TACSTD2: variants seen among roughly 807,000 people sequenced by gnomAD.
The protein encoded by TACSTD2 is tumor associated calcium signal transducer 2.
In TACSTD2, 6 loss-of-function variants were observed where a neutral mutation model predicts 7.9. The observed-to-expected ratio is 0.76, with a 90% CI of 0.42 to 1.50. TACSTD2 has a LOEUF of 1.50. Ranked by LOEUF, TACSTD2 falls within the 40% of genes most tolerant of loss-of-function variation. TACSTD2 has a pLI of 0.01. For synonymous variants in TACSTD2, 220 were observed against 225.5 expected (o/e 0.98, Z 0.22); for missense variants, 511 against 471.2 (o/e 1.08, Z -0.78).
Position 58,577,041 on chromosome 1 carries a change from T to G in TACSTD2, c.116A>C (p.Asn39Thr), listed in dbSNP as rs1455552943. ...GTCGGGGCTGCACACGGTCATCTTG[T>G]TGGTGGGACACGTGCAGTTGTCCTG... ...AAQDNCTCPT[N>T]KMTVCSPDGP... The change falls in exon 1 of 1, where the codon AAC becomes ACC. Residue 39 changes from asparagine (N) to threonine (T), a missense_variant. Physicochemically the swap from Asn to Thr is moderately conservative, Grantham distance 65. Coordinates refer to ENST00000371225, the MANE Select transcript of TACSTD2 (RefSeq NM_002353.3). 2 of 1,544,488 alleles carry G rather than the reference T, an allele frequency of 1.3e-6. No homozygotes were observed. Among genetic ancestry groups the G allele is most frequent in the Non-Finnish European group, 1.7e-6 (2 of 1,149,358 alleles).
At position 58,575,959 on chromosome 1, in the gene TACSTD2, G is replaced by T. The variant is rs80012655; in HGVS notation, c.*226C>A. ...AGGTTTCCTGTTGTTGGACCGAAAG[G>T]GGATACATTTTAGAAATGCTTCCTT... On this transcript the variant is annotated 3_prime_UTR_variant, in exon 1 of 1. Coordinates refer to ENST00000371225, the MANE Select transcript of TACSTD2 (RefSeq NM_002353.3). The T allele has an allele frequency of 7.3e-3, 4,331 of 594,284 alleles. 147 individuals are homozygous for T. The highest frequency in any genetic ancestry group is 0.071 in the African/African-American group (3,845 of 53,802). The allele number at this position is 594,284 out of a possible 1,614,324, so 36.8% of individuals were successfully genotyped here.
Position 58,576,977 on chromosome 1 carries a change from C to G in TACSTD2, c.180G>C (p.Ser60=), listed in dbSNP as rs925840186. 2.3e-5 allele frequency: 37 copies of G among 1,577,008 alleles called. No individual in the cohort carries two copies. The highest frequency in any genetic ancestry group is 3.1e-5 in the Non-Finnish European group (36 of 1,165,138). The change falls in exon 1 of 1, where the codon TCG becomes TCC. Residue 60 remains serine, a synonymous_variant. Coordinates refer to ENST00000371225, the MANE Select transcript of TACSTD2 (RefSeq NM_002353.3). ...GGRCQCRALG[S]GMAVDCSTLT... ...GCGTGGAGCAGTCGACCGCCATGCC[C>G]GAGCCCAGCGCGCGGCACTGGCAGC...
In TACSTD2 at chr1:58,577,010, G is replaced by C. The variant is rs749962500; in HGVS notation, c.147C>G (p.Pro49=). The C allele has an allele frequency of 2.6e-6, 4 of 1,557,836 alleles. No individual in the cohort carries two copies. In the South Asian group the frequency reaches 4.7e-5, roughly 18 times the overall value. ...NKMTVCSPDG[P]GGRCQCRALG... ...GCGCGCGGCACTGGCAGCGGCCGCC[G>C]GGGCCGTCGGGGCTGCACACGGTCA... The change falls in exon 1 of 1, where the codon CCC becomes CCG. Residue 49 remains proline, a synonymous_variant. Coordinates refer to ENST00000371225, the MANE Select transcript of TACSTD2 (RefSeq NM_002353.3).
chr1:58,576,567 T>A lies in TACSTD2; in HGVS notation c.590A>T (p.Glu197Val). 4 of 1,611,958 alleles carry A rather than the reference T, an allele frequency of 2.5e-6. No individual in the cohort carries two copies. Among genetic ancestry groups the A allele is most frequent in the Non-Finnish European group, 8.5e-7 (1 of 1,179,506 alleles). The change falls in exon 1 of 1, where the codon GAG (glutamate) becomes GTG (valine). Residue 197 changes from glutamate to valine, a missense_variant. Glu to Val is a moderately radical substitution (Grantham distance 121). Coordinates refer to ENST00000371225, the MANE Select transcript of TACSTD2 (RefSeq NM_002353.3). ...HPKFVAAVHYEQPTIQIELRQ... is the reference protein window; with the variant it reads ...HPKFVAAVHYVQPTIQIELRQ... ...CAGCTCGATCTGGATGGTGGGCTGCTCGTAGTGCACGGCCGCCACGAACTT... is the reference window on the plus strand; with the variant it reads ...CAGCTCGATCTGGATGGTGGGCTGCACGTAGTGCACGGCCGCCACGAACTT...
chr1:58,576,389 C>G lies in TACSTD2; in HGVS notation c.768G>C (p.Thr256=). 1.2e-6 allele frequency: 2 copies of G among 1,610,816 alleles called. No individual in the cohort carries two copies. Among genetic ancestry groups the G allele is most frequent in the East Asian group, 2.2e-5 (1 of 44,604 alleles). ...VRGEPLQVER[T]LIYYLDEIPP... is the part of the protein sequence containing the mutation. The stretch of plus-strand genomic sequence containing the variant: ...GAATCTCGTCCAGGTAATAGATGAG[C>G]GTGCGCTCCACCTGCAGGGGTTCTC... Residue 256 remains threonine, a synonymous_variant, in exon 1 of 1, where the codon ACG becomes ACC. Coordinates refer to ENST00000371225, the MANE Select transcript of TACSTD2 (RefSeq NM_002353.3).
Position 58,576,437 on chromosome 1 carries a change from G to T in TACSTD2, c.720C>A (p.Gly240=), listed in dbSNP as rs762401640. ...IKGESLFQGR[G]GLDLRVRGEP... The stretch of plus-strand genomic sequence containing the variant: ...CTCCGCGCACGCGCAAGTCCAGGCC[G>T]CCGCGGCCCTGGAATAGAGACTCGC... The change falls in exon 1 of 1, where the codon GGC becomes GGA. Residue 240 remains glycine, a synonymous_variant. Coordinates refer to ENST00000371225, the MANE Select transcript of TACSTD2 (RefSeq NM_002353.3). The T allele has an allele frequency of 1.0e-4, 162 of 1,613,730 alleles. No individual in the cohort carries two copies. The Middle Eastern group carries it at 3.1e-3, about 31-fold the overall frequency.
At position 58,577,149 on chromosome 1, in the gene TACSTD2, C is replaced by G. The variant is rs1041904445; in HGVS notation, c.8G>C (p.Arg3Pro). 1.6e-5 allele frequency: 22 copies of G among 1,377,378 alleles called. No homozygotes were observed. In the East Asian group the frequency reaches 2.4e-4, roughly 15 times the overall value. 85.3% of individuals were successfully genotyped at this position (1,377,378 alleles called of 1,614,324 possible). A position where few individuals can be genotyped will look rare whatever the true frequency, so the allele number is the denominator to read the frequency against. ...CGGTGGCGGCGCGAGGCCGGGGCCC[C>G]GAGCCATGGTGGGGCGGAGGAACGC... is the stretch of plus-strand genomic sequence containing the variant. MA[R>P]GPGLAPPPLR... is the part of the protein sequence containing the mutation. Residue 3 changes from arginine to proline, a missense_variant, in exon 1 of 1, where the codon CGG becomes CCG. Transcript: ENST00000371225.
In TACSTD2 at chr1:58,576,864, A is replaced by G. The variant is rs775384382; in HGVS notation, c.293T>C (p.Val98Ala). 8 of 1,593,420 alleles carry G rather than the reference A, an allele frequency of 5.0e-6. No homozygotes were observed. Among genetic ancestry groups the G allele is most frequent in the Non-Finnish European group, 6.8e-6 (8 of 1,176,724 alleles). The change falls in exon 1 of 1, where the codon GTG (valine) becomes GCG (alanine). Residue 98 changes from valine (V) to alanine (A), a missense_variant. Coordinates refer to ENST00000371225, the MANE Select transcript of TACSTD2 (RefSeq NM_002353.3). ...TLVRPSEHAL[V>A]DNDGLYDPDC... is the part of the protein sequence containing the mutation. The stretch of plus-strand genomic sequence containing the variant: ...GGGGTCGTAGAGGCCATCGTTGTCC[A>G]CGAGCGCGTGCTCACTCGGCCGCAC...
Position 58,576,468 on chromosome 1 carries a change from A to G in TACSTD2, c.689T>C (p.Ile230Thr), listed in dbSNP as rs1426778743. The change falls in exon 1 of 1, where the codon ATC becomes ACC. Residue 230 changes from isoleucine (I) to threonine (T), a missense_variant. Transcript: ENST00000371225. ...GDAAYYFERD[I>T]KGESLFQGRG... The stretch of plus-strand genomic sequence containing the variant: ...GCCCTGGAATAGAGACTCGCCCTTG[A>G]TGTCCCTCTCGAAGTAGTAGGCGGC... 6.2e-7 allele frequency: 1 copy of G among 1,613,868 alleles called. No individual in the cohort carries two copies. Among genetic ancestry groups the G allele is most frequent in the South Asian group, 1.1e-5 (1 of 91,028 alleles).
At position 58,576,491 on chromosome 1, in the gene TACSTD2, G is replaced by A. The variant is rs536421800; in HGVS notation, c.666C>T (p.Ala222=). ...TGATGTCCCTCTCGAAGTAGTAGGCGGCATCGCCGATATCCACGTCACCGG... is the reference window on the plus strand; with the variant it reads ...TGATGTCCCTCTCGAAGTAGTAGGCAGCATCGCCGATATCCACGTCACCGG... ...KAAGDVDIGD[A]AYYFERDIKG... The change falls in exon 1 of 1, where the codon GCC becomes GCT. Residue 222 remains alanine (A), a synonymous_variant. Transcript: ENST00000371225. 1.2e-6 allele frequency: 2 copies of A among 1,613,350 alleles called. No homozygotes were observed. The highest frequency in any genetic ancestry group is 3.3e-5 in the Admixed American group (2 of 59,968).
In TACSTD2 at chr1:58,576,796, G is replaced by C; in HGVS notation, c.361C>G (p.Gln121Glu). ...EGRFKARQCNQTSVCWCVNSV... is the reference protein window; with the variant it reads ...EGRFKARQCNETSVCWCVNSV... ...TTCACGCACCAGCACACCGACGTCT[G>C]GTTGCACTGGCGCGCCTTGAAGCGG... The change falls in exon 1 of 1, where the codon CAG becomes GAG. Residue 121 changes from glutamine to glutamate, a missense_variant. By Grantham distance (29) the Gln-to-Glu change is conservative. Coordinates refer to ENST00000371225, the MANE Select transcript of TACSTD2 (RefSeq NM_002353.3). 1 of 1,597,812 alleles carries C rather than the reference G, an allele frequency of 6.3e-7. No homozygotes were observed. The highest frequency in any genetic ancestry group is 8.5e-7 in the Non-Finnish European group (1 of 1,178,326).
rs948591919 is a variant in TACSTD2 at position 58,576,649 on chromosome 1, A to C, written c.508T>G (p.Ser170Ala). 8.7e-6 allele frequency: 14 copies of C among 1,606,338 alleles called. No homozygotes were observed. Among genetic ancestry groups the C allele is most frequent in the Non-Finnish European group, 1.1e-5 (13 of 1,177,650 alleles). Residue 170 changes from serine (S) to alanine (A), a missense_variant, in exon 1 of 1, where the codon TCA (serine) becomes GCA (alanine). Ser to Ala is a moderately conservative substitution (Grantham distance 99). Coordinates refer to ENST00000371225, the MANE Select transcript of TACSTD2 (RefSeq NM_002353.3). Reference sequence around the variant, plus strand: ...CGCCTCAGCTCGGCGTCCAGGTCTGAGTGGTTGAAGGCGCCGGCGGTGGGG... The same window carrying C: ...CGCCTCAGCTCGGCGTCCAGGTCTGCGTGGTTGAAGGCGCCGGCGGTGGGG... The part of the protein sequence containing the change: ...HRPTAGAFNH[S>A]DLDAELRRLF...
In TACSTD2 at chr1:58,576,137, C is replaced by T. The variant is rs41311174; in HGVS notation, c.*48G>A. On this transcript the variant is annotated 3_prime_UTR_variant, in exon 1 of 1. Coordinates refer to ENST00000371225, the MANE Select transcript of TACSTD2 (RefSeq NM_002353.3). Reference sequence around the variant, plus strand: ...AAGCGTGACTCACTTGGGTCTGGGACGATACCGAAATCCGGTACCCCACCC... The same window carrying T: ...AAGCGTGACTCACTTGGGTCTGGGATGATACCGAAATCCGGTACCCCACCC... The T allele has an allele frequency of 0.088, 140,377 of 1,596,804 alleles. 6,675 individuals are homozygous for T. Among genetic ancestry groups the T allele is most frequent in the Middle Eastern group, 0.13 (772 of 6,014 alleles).
Position 58,576,491 on chromosome 1 carries a change from G to C in TACSTD2, c.666C>G (p.Ala222=). ...TGATGTCCCTCTCGAAGTAGTAGGC[G>C]GCATCGCCGATATCCACGTCACCGG... ...KAAGDVDIGD[A]AYYFERDIKG... The change falls in exon 1 of 1, where the codon GCC becomes GCG. Residue 222 remains alanine (A), a synonymous_variant. Coordinates refer to ENST00000371225, the MANE Select transcript of TACSTD2 (RefSeq NM_002353.3). The C allele has an allele frequency of 6.2e-7, 1 of 1,613,350 alleles. No individual in the cohort carries two copies. Among genetic ancestry groups the C allele is most frequent in the Non-Finnish European group, 8.5e-7 (1 of 1,179,790 alleles).
In TACSTD2 at chr1:58,576,213, C is replaced by A. The variant is rs1332823948; in HGVS notation, c.944G>T (p.Gly315Val). 1 of 1,614,062 alleles carries A rather than the reference C, an allele frequency of 6.2e-7. No individual in the cohort carries two copies. Among genetic ancestry groups the A allele is most frequent in the Non-Finnish European group, 8.5e-7 (1 of 1,180,048 alleles). Residue 315 changes from glycine (G) to valine (V), a missense_variant, in exon 1 of 1, where the codon GGG becomes GTG. By Grantham distance (109) the Gly-to-Val change is moderately radical. Transcript: ENST00000371225. ...KYKKVEIKEL[G>V]ELRKEPSL ...CAAGCTCGGTTCCTTTCTCAACTCC[C>A]CCAGTTCCTTGATCTCCACCTTCTT...
rs778039282 is a variant in TACSTD2, at chr1:58,576,214, C to A, written c.943G>T (p.Gly315Trp). The A allele has an allele frequency of 6.2e-7, 1 of 1,614,060 alleles. No individual in the cohort carries two copies. Among genetic ancestry groups the A allele is most frequent in the Non-Finnish European group, 8.5e-7 (1 of 1,180,056 alleles). ...AAGCTCGGTTCCTTTCTCAACTCCC[C>A]CAGTTCCTTGATCTCCACCTTCTTG... ...KYKKVEIKEL[G>W]ELRKEPSL Residue 315 changes from glycine (G) to tryptophan (W), a missense_variant, in exon 1 of 1, where the codon GGG becomes TGG. By Grantham distance (184) the Gly-to-Trp change is radical. Coordinates refer to ENST00000371225, the MANE Select transcript of TACSTD2 (RefSeq NM_002353.3).
Position 58,576,821 on chromosome 1 carries a change from GC to G in TACSTD2, c.335del (p.Gly112AlafsTer17). ...GLYDPDCDPE[G>X]RFKARQCNQT... The stretch of plus-strand genomic sequence containing the variant: ...GGTTGCACTGGCGCGCCTTGAAGCG[GC>G]CCTCGGGGTCGCAGTCGGGGTCGTA... On this transcript the variant is annotated frameshift_variant, in exon 1 of 1. Coordinates refer to ENST00000371225, the MANE Select transcript of TACSTD2 (RefSeq NM_002353.3). LOFTEE classifies it high-confidence loss of function. 6.3e-7 allele frequency: 1 copy of G among 1,596,126 alleles called. No individual in the cohort carries two copies.
Position 58,577,190 on chromosome 1 carries a change from G to T in TACSTD2, c.-34C>A. The T allele has an allele frequency of 2.2e-6, 3 of 1,340,030 alleles. No homozygotes were observed. Among genetic ancestry groups the T allele is most frequent in the Non-Finnish European group, 2.8e-6 (3 of 1,053,296 alleles). 83.0% of individuals were successfully genotyped at this position (1,340,030 alleles called of 1,614,324 possible). ...GGAGGAACGCGGACCGGACGCGGGC[G>T]GATGAGGCGCGGGGACTCGTCGGGG... is the stretch of plus-strand genomic sequence containing the variant. On this transcript the variant is annotated 5_prime_UTR_variant, in exon 1 of 1. Coordinates refer to ENST00000371225, the MANE Select transcript of TACSTD2 (RefSeq NM_002353.3).
chr1:58,577,223 T>A lies in TACSTD2; in HGVS notation c.-67A>T. 7.6e-7 allele frequency: 1 copy of A among 1,316,410 alleles called. No homozygotes were observed. The highest frequency in any genetic ancestry group is 1.5e-5 in the African/African-American group (1 of 64,526). The allele number at this position is 1,316,410 out of a possible 1,614,324, so 81.5% of individuals were successfully genotyped here. ...CGCGGGGACTCGTCGGGGCTCGGGC[T>A]CCGGCGTCTGGGATGGTCTGCAGGC... is the stretch of plus-strand genomic sequence containing the variant. On this transcript the variant is annotated 5_prime_UTR_variant, in exon 1 of 1. Transcript: ENST00000371225.
Sources: allele counts gnomAD v4.1 joint callset, GRCh38; gene constraint gnomAD v4.1.1; transcripts MANE v1.5; gene names NCBI Gene and HGNC (gene_info 2026-07-23, HGNC 2026-07-21).